Variants in PYROXD1 observed in about 807,000 individuals in gnomAD.
PYROXD1 encodes the protein pyridine nucleotide-disulphide oxidoreductase domain 1.
Under a neutral mutation model 62.0 loss-of-function variants are expected in PYROXD1, and 42 were observed. That is an observed-to-expected ratio of 0.68 (90% CI 0.53 to 0.88). PYROXD1 has a LOEUF of 0.88. PYROXD1 is among the 40% of genes least tolerant of loss of function. The pLI is 0.00. For synonymous variants in PYROXD1, 170 were observed against 206.4 expected (o/e 0.82, Z 1.51); for missense variants, 493 against 604.8 (o/e 0.82, Z 1.94).
rs148133664 is a variant in PYROXD1 at position 21,450,763 on chromosome 12, C to T, written c.414+1072C>T. On this transcript the variant is annotated intron_variant, in intron 4 of 11. Coordinates refer to ENST00000240651, the MANE Select transcript of PYROXD1 (RefSeq NM_024854.5). ...AAAATTAAAGGAACTTGATTATCTT[C>T]TTATAAACAATTTAAGTTCATATTA... Among the ~76,000 whole-genome samples, 251 of 152,264 alleles carry T rather than the reference C, an allele frequency of 1.6e-3. 4 individuals are homozygous for T. The South Asian group carries it at 0.028, about 17-fold the overall frequency.
chr12:21,469,999 A>G lies in PYROXD1; in HGVS notation c.*1245A>G. 1 of 698,150 alleles carries G rather than the reference A, an allele frequency of 1.4e-6. No individual in the cohort carries two copies. Among genetic ancestry groups the G allele is most frequent in the Non-Finnish European group, 2.1e-6 (1 of 475,194 alleles). 43.2% of individuals were successfully genotyped at this position (698,150 alleles called of 1,614,324 possible). A position where few individuals can be genotyped will look rare whatever the true frequency, so the allele number is the denominator to read the frequency against. ...AAATTTTTCCCTTGTTTTATACTGG[A>G]AAATTATATAATTCATGATCTCTAA... On this transcript the variant is annotated 3_prime_UTR_variant, in exon 12 of 12. Transcript: ENST00000240651.
intron 4 of PYROXD1, 105 bp from the exon 5 acceptor site, chr12:21,451,976 A>C: frequency 1.4e-6 from 1 of 720,756 alleles, no homozygotes; most frequent in Non-Finnish European, 2.2e-6. Context: ...TTCCTTTACA[A>C]ATTCAATAAA....
At chr12:21,460,931 A>G (rs1046642743) in intron 7 of PYROXD1, 94 bp from the exon 8 acceptor site, 4 of 766,194 alleles carry the variant, frequency 5.2e-6, no homozygotes, top group Non-Finnish European at 7.8e-6. Context: ...TGTTTTCTAT[A>G]CATTTCTACA....
chr12:21,442,288 GC>G (rs1432516765), intron 2 of PYROXD1, among the ~76,000 whole-genome samples: 2 of 152,178 alleles, frequency 1.3e-5, no homozygotes, highest in Non-Finnish European at 2.9e-5. Flanking sequence ...TGATATTGGT[GC>G]CTAGGGTGCA....
In PYROXD1 at chr12:21,468,996, ATTTC is replaced by A. The variant is rs1942859059; in HGVS notation, c.*244_*247del. ...CTTAGATAAAAATCTTAAGTTATTT[ATTTC>A]TGTGTTTTAAACATAAATATGTTTA... On this transcript the variant is annotated 3_prime_UTR_variant, in exon 12 of 12. Transcript: ENST00000240651. 1 of 358,490 alleles carries A rather than the reference ATTTC, an allele frequency of 2.8e-6. No homozygotes were observed. The highest frequency in any genetic ancestry group is 5.0e-6 in the Non-Finnish European group (1 of 198,234). The allele number at this position is 358,490 out of a possible 1,614,324, so 22.2% of individuals were successfully genotyped here.
chr12:21,470,940 T>C lies in PYROXD1; in HGVS notation c.*2186T>C, dbSNP rs1942935583. The stretch of plus-strand genomic sequence containing the variant: ...AGGCTTTAATATACTTTTTAAAATA[T>C]ATAAAACTGAAAATTAATAGCCATT... On this transcript the variant is annotated 3_prime_UTR_variant, in exon 12 of 12. Transcript: ENST00000240651. The C allele has an allele frequency of 3.5e-6, 5 of 1,424,106 alleles. No homozygotes were observed. The highest frequency in any genetic ancestry group is 3.8e-4 in the Middle Eastern group (2 of 5,228). The allele number at this position is 1,424,106 out of a possible 1,614,324, so 88.2% of individuals were successfully genotyped here. A position where few individuals can be genotyped will look rare whatever the true frequency, so the allele number is the denominator to read the frequency against.
intron 7 of PYROXD1, among the ~76,000 whole-genome samples, chr12:21,458,588 G>C (rs1942641215): frequency 6.6e-6 from 1 of 152,186 alleles, no homozygotes; most frequent in African/African-American, 2.4e-5. Flanking sequence ...TTTAAAGTGA[G>C]AGATGTGTGA....
chr12:21,448,221 A>G (rs1942428836), intron 3 of PYROXD1: 3 of 545,210 alleles, frequency 5.5e-6, no homozygotes, highest in South Asian at 4.4e-5. Flanking sequence ...TTCCCCATCC[A>G]TTTTGTTCTT....
At chr12:21,447,357 A>G (rs1942409020) in intron 3 of PYROXD1, among the ~76,000 whole-genome samples, 1 of 152,238 alleles carries the variant, frequency 6.6e-6, no homozygotes, top group South Asian at 2.1e-4. Context: ...TAGTGGTATT[A>G]CATATTCCAA....
intron 1 of PYROXD1, among the ~76,000 whole-genome samples, chr12:21,439,222 G>A (rs1367517140): frequency 6.6e-6 from 1 of 152,134 alleles, no homozygotes; most frequent in South Asian, 2.1e-4. Flanking sequence ...TTGAGCAGTG[G>A]AGTAACTTGA....
chr12:21,443,976 A>G (rs1041201753), intron 2 of PYROXD1, among the ~76,000 whole-genome samples: 1 of 152,222 alleles, frequency 6.6e-6, no homozygotes, highest in Non-Finnish European at 1.5e-5. Flanking sequence ...GACTGTATAC[A>G]TAAGAGAAGG....
intron 3 of PYROXD1, chr12:21,448,063 C>G: frequency 1.8e-6 from 1 of 557,178 alleles, no homozygotes; most frequent in African/African-American, 1.9e-5. Flanking sequence ...GTTTCATTCT[C>G]AGCAAACTGA....
chr12:21,445,549 C>G, intron 3 of PYROXD1, 83 bp downstream of exon 3: 1 of 1,304,546 alleles, frequency 7.7e-7, no homozygotes, highest in Non-Finnish European at 1.0e-6. Context: ...TCCAGCTCTA[C>G]TACCACCACC....
chr12:21,460,134 T>C (rs1942667234), intron 7 of PYROXD1, among the ~76,000 whole-genome samples: 1 of 152,188 alleles, frequency 6.6e-6, no homozygotes, highest in South Asian at 2.1e-4. Context: ...CATTGGTTTT[T>C]GGCTTTCAGT....
At chr12:21,460,965 T>G (rs1009154783) in intron 7 of PYROXD1, 60 bp from the exon 8 acceptor site, 4 of 1,077,042 alleles carry the variant, frequency 3.7e-6, no homozygotes, top group Non-Finnish European at 5.1e-6. Flanking sequence ...TCTTCATCAT[T>G]AGTAACCCGG....
chr12:21,450,147 C>T (rs867793916), intron 4 of PYROXD1, among the ~76,000 whole-genome samples: 4 of 151,754 alleles, frequency 2.6e-5, no homozygotes, highest in East Asian at 1.9e-4. Context: ...GGATTACAGG[C>T]GTGAGCCACC....
chr12:21,456,656 T>G (rs561984262), intron 7 of PYROXD1, among the ~76,000 whole-genome samples: 1 of 152,166 alleles, frequency 6.6e-6, no homozygotes, highest in African/African-American at 2.4e-5. Context: ...TGGTGCTTGC[T>G]GAAGGTTTGG....
At chr12:21,464,833 C>G (rs1457163957) in intron 10 of PYROXD1, among the ~76,000 whole-genome samples, 3 of 151,968 alleles carry the variant, frequency 2.0e-5, no homozygotes, top group Admixed American at 1.3e-4. Flanking sequence ...CCCCACCCCA[C>G]AAGAGTCCCC....
At chr12:21,461,640 G>A (rs1408274299) in intron 8 of PYROXD1, among the ~76,000 whole-genome samples, 1 of 152,164 alleles carries the variant, frequency 6.6e-6, no homozygotes, top group East Asian at 1.9e-4. Context: ...ATTTGAATAT[G>A]AGTAGTGAGG....
Sources: allele counts gnomAD v4.1 joint callset (sites outside exome capture counted in the v4.1 genomes callset), GRCh38; gene constraint gnomAD v4.1.1; transcripts MANE v1.5; gene names NCBI Gene and HGNC (gene_info 2026-07-23, HGNC 2026-07-21).